AKR1B15: variants seen among roughly 807,000 people sequenced by gnomAD.
AKR1B15 encodes the protein estradiol 17-beta-dehydrogenase AKR1B15.
Under a neutral mutation model 38.5 loss-of-function variants are expected in AKR1B15, and 49 were observed. The ratio of observed to expected loss-of-function variants is 1.27; its 90% CI spans 1.01 to 1.62. AKR1B15 has a LOEUF of 1.62. AKR1B15 is among the 40% of genes most tolerant of loss of function. The pLI is 0.00. For missense variants in AKR1B15, 411 were observed against 381.6 expected, an observed-to-expected ratio of 1.08 and a Z score of -0.64; for synonymous variants, 137 against 135.5, an observed-to-expected ratio of 1.01 and a Z score of -0.08.
At chr7:134,575,363 G>A in intron 6 of AKR1B15, 57 bp from the exon 7 acceptor site, 1 of 1,579,666 alleles carries the variant, frequency 6.3e-7, no homozygotes, top group Non-Finnish European at 8.6e-7. Context: ...ACTAAGGCAA[G>A]CCAGGGTCCC....
At chr7:134,562,875 TTTC>T (rs1200379897) in intron 2 of AKR1B15, among the ~76,000 whole-genome samples, 4 of 132,886 alleles carry the variant, frequency 3.0e-5, no homozygotes, top group African/African-American at 1.2e-4. Context: ...TCTTTCTTTC[TTTC>T]TTTCTTTCTT....
chr7:134,571,165 G>A (rs1418435958), intron 5 of AKR1B15, among the ~76,000 whole-genome samples: 1 of 152,222 alleles, frequency 6.6e-6, no homozygotes, highest in Admixed American at 6.5e-5. Context: ...ACCAGCTGGA[G>A]TGATGATGGC....
chr7:134,575,470 A>T lies in AKR1B15; in HGVS notation c.564A>T (p.Ser188=), dbSNP rs3963352. The change falls in exon 7 of 12, where the codon TCA becomes TCT. Residue 188 remains serine (S), a synonymous_variant. Coordinates refer to ENST00000457545, the MANE Select transcript of AKR1B15 (RefSeq NM_001080538.3). ...DEGLVKALGV[S]NFNHFQIERL... ...GGCTGGTGAAAGCCCTTGGGGTCTC[A>T]AATTTCAACCACTTCCAGATCGAGA... 1.2e-6 allele frequency: 2 copies of T among 1,613,780 alleles called. No homozygotes were observed. Among genetic ancestry groups the T allele is most frequent in the Admixed American group, 3.3e-5 (2 of 59,998 alleles).
At chr7:134,568,930 A>C (rs1023703818) in intron 4 of AKR1B15, among the ~76,000 whole-genome samples, 25 of 151,940 alleles carry the variant, frequency 1.6e-4, no homozygotes, top group African/African-American at 5.5e-4. Context: ...GGACAAATAG[A>C]CCCCACTGTG....
intron 2 of AKR1B15, among the ~76,000 whole-genome samples, chr7:134,557,696 TG>T (rs1794248013): frequency 6.6e-6 from 1 of 152,044 alleles, no homozygotes; most frequent in African/African-American, 2.4e-5. Flanking sequence ...TCAACTTTTT[TG>T]CCTGTTCTGC....
At chr7:134,553,598 G>A (rs1479592578) in intron 1 of AKR1B15, among the ~76,000 whole-genome samples, 1 of 152,192 alleles carries the variant, frequency 6.6e-6, no homozygotes, top group African/African-American at 2.4e-5. Flanking sequence ...ATGCTGTAGA[G>A]ACCTTGCTAC....
At chr7:134,561,956 G>T (rs1204156418) in intron 2 of AKR1B15, among the ~76,000 whole-genome samples, 2 of 151,888 alleles carry the variant, frequency 1.3e-5, no homozygotes, top group Non-Finnish European at 2.9e-5. Flanking sequence ...GGGAAAGAAA[G>T]CCTTTGTTTT....
intron 5 of AKR1B15, among the ~76,000 whole-genome samples, chr7:134,571,092 G>A (rs1794658237): frequency 6.6e-6 from 1 of 152,174 alleles, no homozygotes; most frequent in African/African-American, 2.4e-5. Context: ...CATTGCCTGG[G>A]GCTCTGCTCT....
chr7:134,552,583 AACC>A (rs1352096330), intron 1 of AKR1B15, among the ~76,000 whole-genome samples: 1 of 152,184 alleles, frequency 6.6e-6, no homozygotes, highest in African/African-American at 2.4e-5. Context: ...CCGGTCCAGA[AACC>A]CGGAACAAAT....
In AKR1B15 at chr7:134,568,242, A is replaced by C; in HGVS notation, c.235A>C (p.Asn79His). 6.2e-7 allele frequency: 1 copy of C among 1,614,128 alleles called. No homozygotes were observed. The highest frequency in any genetic ancestry group is 1.1e-5 in the South Asian group (1 of 91,076). The change falls in exon 4 of 12, where the codon AAT (asparagine) becomes CAT (histidine). Residue 79 changes from asparagine to histidine, a missense_variant. Coordinates refer to ENST00000457545, the MANE Select transcript of AKR1B15 (RefSeq NM_001080538.3). ...CATTGACTGTGCCTATTTCTATGAG[A>C]ATCAACATGAGGTGGGAGAAGCCAT... ...RHIDCAYFYE[N>H]QHEVGEAIQE...
chr7:134,552,028 T>C (rs1794001247), intron 1 of AKR1B15, among the ~76,000 whole-genome samples: 1 of 152,148 alleles, frequency 6.6e-6, no homozygotes, highest in Admixed American at 6.5e-5. Context: ...CAGACACCCT[T>C]AGGCAGTGTC....
At chr7:134,560,959 T>G (rs1794370690) in intron 2 of AKR1B15, among the ~76,000 whole-genome samples, 2 of 152,342 alleles carry the variant, frequency 1.3e-5, no homozygotes, top group South Asian at 4.1e-4. Flanking sequence ...CCTTAAAAAA[T>G]TTTTGTTTTC....
chr7:134,561,517 T>C (rs912279685), intron 2 of AKR1B15, among the ~76,000 whole-genome samples: 1 of 152,240 alleles, frequency 6.6e-6, no homozygotes, highest in Non-Finnish European at 1.5e-5. Flanking sequence ...CATGCATGTA[T>C]TATTAATGTT....
In AKR1B15 at chr7:134,575,405, T is replaced by C. The variant is rs372387354; in HGVS notation, c.514-15T>C. ...CCCTCTAGAGCTGCCCATAAGGTAT[T>C]CCTTTCTATGATAGGCCATGGAGGA... On this transcript the variant is annotated splice_polypyrimidine_tract_variant and intron_variant, in intron 6 of 11. Transcript: ENST00000457545. 114 of 1,613,520 alleles carry C rather than the reference T, an allele frequency of 7.1e-5. No individual in the cohort carries two copies. In the African/African-American group the frequency reaches 1.3e-3, roughly 19 times the overall value.
chr7:134,556,198 T>C (rs1434648729), intron 1 of AKR1B15, among the ~76,000 whole-genome samples: 1 of 151,478 alleles, frequency 6.6e-6, no homozygotes, highest in Non-Finnish European at 1.5e-5. Context: ...CCAGAGAGAG[T>C]CGATTTAACT....
At position 134,569,330 on chromosome 7, in the gene AKR1B15, G is replaced by A. The variant is rs1383678118; in HGVS notation, c.319-83G>A. ...GGCCTGAGCCAGGTTAGATGAGGAT[G>A]CAAATCAAAAAGCAGGGACAATGAG... On this transcript the variant is annotated intron_variant, in intron 4 of 11. Transcript: ENST00000457545. 5 of 1,521,118 alleles carry A rather than the reference G, an allele frequency of 3.3e-6. No individual in the cohort carries two copies. In the African/African-American group the frequency reaches 6.9e-5, roughly 21 times the overall value. 94.2% of individuals were successfully genotyped at this position (1,521,118 alleles called of 1,614,324 possible).
intron 2 of AKR1B15, among the ~76,000 whole-genome samples, chr7:134,560,966 T>C (rs1794370884): frequency 1.3e-5 from 2 of 152,368 alleles, no homozygotes; most frequent in South Asian, 4.1e-4. Context: ...AAATTTTTGT[T>C]TTCCTTTATT....
At chr7:134,552,572 G>T (rs1794024424) in intron 1 of AKR1B15, among the ~76,000 whole-genome samples, 1 of 152,034 alleles carries the variant, frequency 6.6e-6, no homozygotes, top group Admixed American at 6.6e-5. Context: ...TTCCATTTTT[G>T]CCGGTCCAGA....
intron 10 of AKR1B15, 117 bp downstream of exon 10, chr7:134,577,163 A>C (rs1431112989): frequency 9.3e-7 from 1 of 1,072,428 alleles, no homozygotes; most frequent in Admixed American, 2.1e-5. Context: ...CTTCCCCACC[A>C]CCCTATCATT....
Sources: allele counts gnomAD v4.1 joint callset (sites outside exome capture counted in the v4.1 genomes callset), GRCh38; gene constraint gnomAD v4.1.1; transcripts MANE v1.5; gene names NCBI Gene and HGNC (gene_info 2026-07-23, HGNC 2026-07-21).